Variants in CATSPER3 observed in about 807,000 individuals in gnomAD.
CATSPER3 encodes the protein cation channel sperm associated 3.
Under a neutral mutation model 36.6 loss-of-function variants are expected in CATSPER3, and 23 were observed. The observed-to-expected ratio is 0.63, with a 90% CI of 0.45 to 0.89. CATSPER3 has a LOEUF of 0.89. CATSPER3 is among the 40% of genes least tolerant of loss of function. The pLI, the probability that CATSPER3 is intolerant of heterozygous loss-of-function variation, is 0.00. For synonymous variants in CATSPER3, 172 were observed against 184.1 expected (o/e 0.93, Z 0.53); for missense variants, 474 against 503.9 (o/e 0.94, Z 0.57).
intron 7 of CATSPER3, 49 bp downstream of exon 7, chr5:135,010,579 T>G: frequency 1.9e-6 from 3 of 1,562,390 alleles, no homozygotes; most frequent in Non-Finnish European, 2.6e-6. Flanking sequence ...TCCTCGAGGT[T>G]GGGCTGTGTC....
At chr5:135,005,305 C>T (rs773075059) in intron 3 of CATSPER3, among the ~76,000 whole-genome samples, 1 of 152,150 alleles carries the variant, frequency 6.6e-6, no homozygotes, top group Non-Finnish European at 1.5e-5. Context: ...GCACAGAGAC[C>T]CTGGGCATGC....
At chr5:135,000,227 G>A (rs1407117314) in intron 3 of CATSPER3, among the ~76,000 whole-genome samples, 3 of 152,058 alleles carry the variant, frequency 2.0e-5, no homozygotes, top group Non-Finnish European at 2.9e-5. Flanking sequence ...ATTTGCATAT[G>A]TTGCGTCCCA....
chr5:135,010,065 T>C (rs1344741448), intron 6 of CATSPER3, among the ~76,000 whole-genome samples: 1 of 152,200 alleles, frequency 6.6e-6, no homozygotes, highest in Non-Finnish European at 1.5e-5. Context: ...GGTGTGTCTC[T>C]CCTTGTCCTC....
chr5:135,003,741 A>G (rs1033696118), intron 3 of CATSPER3, among the ~76,000 whole-genome samples: 2 of 152,160 alleles, frequency 1.3e-5, no homozygotes, highest in African/African-American at 4.8e-5. Context: ...TGAGCATGGG[A>G]CCCTCTTAGC....
chr5:135,004,524 A>G (rs549723077), intron 3 of CATSPER3, among the ~76,000 whole-genome samples: 51 of 152,344 alleles, frequency 3.3e-4, no homozygotes, highest in African/African-American at 1.2e-3. Flanking sequence ...CGAGGTGTTC[A>G]TGGTCAGATG....
intron 2 of CATSPER3, among the ~76,000 whole-genome samples, chr5:134,983,297 A>G (rs1361025898): frequency 6.6e-6 from 1 of 152,206 alleles, no homozygotes; most frequent in Admixed American, 6.5e-5. Context: ...TGTTGTCTAC[A>G]GGAGACTCAC....
At chr5:134,985,848 A>G (rs1361717205) in intron 2 of CATSPER3, among the ~76,000 whole-genome samples, 1 of 151,864 alleles carries the variant, frequency 6.6e-6, no homozygotes, top group African/African-American at 2.4e-5. Flanking sequence ...GCAGTGAGCC[A>G]TGACTGTGTC....
intron 2 of CATSPER3, among the ~76,000 whole-genome samples, chr5:134,983,981 G>T (rs576924056): frequency 6.6e-6 from 1 of 152,234 alleles, no homozygotes; most frequent in African/African-American, 2.4e-5. Context: ...CAGAAATAAG[G>T]CCAAATACTT....
At chr5:135,000,754 A>G (rs1203715591) in intron 3 of CATSPER3, among the ~76,000 whole-genome samples, 1 of 152,094 alleles carries the variant, frequency 6.6e-6, no homozygotes, top group Non-Finnish European at 1.5e-5. Flanking sequence ...TTTCTGTGGG[A>G]TTGGTGGTGA....
At chr5:134,993,725 A>G (rs1239075823) in intron 2 of CATSPER3, among the ~76,000 whole-genome samples, 1 of 152,258 alleles carries the variant, frequency 6.6e-6, no homozygotes, top group Non-Finnish European at 1.5e-5. Context: ...TAAACATTAT[A>G]TATCCTTTAA....
intron 3 of CATSPER3, among the ~76,000 whole-genome samples, chr5:135,006,830 C>T (rs1186185728): frequency 6.8e-4 from 53 of 78,512 alleles, no homozygotes; most frequent in African/African-American, 2.5e-3. Context: ...AGAGCGACTC[C>T]GTCTCGAAAA....
chr5:134,967,914 A>G lies in CATSPER3; in HGVS notation c.-78A>G. ...CCTTCTCTGCTGCCTCTCAGAATCC[A>G]GACGCTAAGGAAAATCCCTAAGCAG... On this transcript the variant is annotated 5_prime_UTR_variant, in exon 1 of 8. Transcript: ENST00000282611. 9.1e-7 allele frequency: 1 copy of G among 1,094,062 alleles called. No homozygotes were observed. The highest frequency in any genetic ancestry group is 1.4e-6 in the Non-Finnish European group (1 of 714,020). 67.8% of individuals were successfully genotyped at this position (1,094,062 alleles called of 1,614,324 possible). A position where few individuals can be genotyped will look rare whatever the true frequency, so the allele number is the denominator to read the frequency against.
intron 2 of CATSPER3, among the ~76,000 whole-genome samples, chr5:134,995,330 TC>T (rs1415164720): frequency 6.6e-6 from 1 of 152,134 alleles, no homozygotes; most frequent in Non-Finnish European, 1.5e-5. Flanking sequence ...CTCTCTATCT[TC>T]ATGAGATCCA....
intron 2 of CATSPER3, among the ~76,000 whole-genome samples, chr5:134,981,815 T>C (rs1243664541): frequency 1.3e-5 from 2 of 152,194 alleles, no homozygotes; most frequent in East Asian, 3.9e-4. Context: ...TTGGAATTAC[T>C]AGACAAAGGC....
At chr5:134,995,021 C>G (rs924778245) in intron 2 of CATSPER3, among the ~76,000 whole-genome samples, 4 of 150,014 alleles carry the variant, frequency 2.7e-5, no homozygotes, top group Non-Finnish European at 5.9e-5. Flanking sequence ...CTCTCTCTCT[C>G]TTTTTCCTTC....
At chr5:134,994,137 A>T (rs1385654264) in intron 2 of CATSPER3, among the ~76,000 whole-genome samples, 1 of 152,148 alleles carries the variant, frequency 6.6e-6, no homozygotes, top group Non-Finnish European at 1.5e-5. Flanking sequence ...AAAAAACTAT[A>T]AAAAAGGTGA....
intron 2 of CATSPER3, among the ~76,000 whole-genome samples, chr5:134,976,591 GCAGTGGGTCCCTTCCCAGAGCTC>G (rs1189717960): frequency 6.6e-6 from 1 of 152,212 alleles, no homozygotes; most frequent in Admixed American, 6.5e-5. Flanking sequence ...GGTCTGGAGA[GCAGTGGGTCCCTTCCCAGAGCTC>G]CACTAGGCAG....
At position 134,968,108 on chromosome 5, in the gene CATSPER3, C is replaced by T; in HGVS notation, c.98+19C>T. ...AATTTAAGTAAATATTATCTATCTC[C>T]ATTGCCTGTTAAGAAATGTGCTAGT... On this transcript the variant is annotated intron_variant, in intron 1 of 7. Coordinates refer to ENST00000282611, the MANE Select transcript of CATSPER3 (RefSeq NM_178019.3). 6.6e-7 allele frequency: 1 copy of T among 1,524,856 alleles called. No individual in the cohort carries two copies. Among genetic ancestry groups the T allele is most frequent in the Non-Finnish European group, 9.1e-7 (1 of 1,098,990 alleles). 94.5% of individuals were successfully genotyped at this position (1,524,856 alleles called of 1,614,324 possible). A position where few individuals can be genotyped will look rare whatever the true frequency, so the allele number is the denominator to read the frequency against.
chr5:134,987,054 G>C (rs1751820603), intron 2 of CATSPER3, among the ~76,000 whole-genome samples: 3 of 152,104 alleles, frequency 2.0e-5, no homozygotes, highest in Admixed American at 2.0e-4. Flanking sequence ...AGGAACAATA[G>C]AGAAAATGAA....
Sources: allele counts gnomAD v4.1 joint callset (sites outside exome capture counted in the v4.1 genomes callset), GRCh38; gene constraint gnomAD v4.1.1; transcripts MANE v1.5; gene names NCBI Gene and HGNC (gene_info 2026-07-23, HGNC 2026-07-21).